SPMIP2: variants seen among roughly 807,000 people sequenced by gnomAD.
SPMIP2 encodes the protein protein SPMIP2.
chr4:158,946,088 C>T, the SPMIP2 span, among the ~76,000 whole-genome samples: 6 of 152,158 alleles, frequency 3.9e-5, no homozygotes, highest in Non-Finnish European at 5.9e-5. Context: ...CTCTTTCTCA[C>T]ACACTTTAGA....
At chr4:159,019,897 G>A in the SPMIP2 span, among the ~76,000 whole-genome samples, 28,326 of 152,068 alleles carry the variant, frequency 0.19, 3,202 homozygotes, top group Non-Finnish European at 0.26. Context: ...AATTAGAGTT[G>A]ATTTGTAAAT....
At chr4:159,046,376 T>G in the SPMIP2 span, among the ~76,000 whole-genome samples, 1 of 152,082 alleles carries the variant, frequency 6.6e-6, no homozygotes, top group African/African-American at 2.4e-5. Context: ...AGAAACAAGT[T>G]CACAAAACCC....
At chr4:158,910,861 T>C in the SPMIP2 span, among the ~76,000 whole-genome samples, 1 of 152,112 alleles carries the variant, frequency 6.6e-6, no homozygotes, top group Non-Finnish European at 1.5e-5. Flanking sequence ...TAAACACCCC[T>C]CCCTGGCTCT....
chr4:159,029,161 T>C, the SPMIP2 span, among the ~76,000 whole-genome samples: 1 of 152,218 alleles, frequency 6.6e-6, no homozygotes, highest in Non-Finnish European at 1.5e-5. Flanking sequence ...AGCAAATTGG[T>C]AGTAAAACTT....
At chr4:159,031,306 A>G in the SPMIP2 span, among the ~76,000 whole-genome samples, 2 of 152,240 alleles carry the variant, frequency 1.3e-5, no homozygotes, top group Non-Finnish European at 1.5e-5. Flanking sequence ...GAACTTGGCT[A>G]TAATCAAGCC....
chr4:159,012,351 G>A, the SPMIP2 span, among the ~76,000 whole-genome samples: 181 of 152,268 alleles, frequency 1.2e-3, 1 homozygote, highest in African/African-American at 3.6e-3. Context: ...ACATGATTAC[G>A]TGTAATGTGG....
At chr4:159,022,785 A>G in the SPMIP2 span, among the ~76,000 whole-genome samples, 1 of 152,004 alleles carries the variant, frequency 6.6e-6, no homozygotes, top group African/African-American at 2.4e-5. Flanking sequence ...TAATCCCAGC[A>G]CTTTGGGAGG....
chr4:158,979,088 A>G, the SPMIP2 span, among the ~76,000 whole-genome samples: 2 of 152,122 alleles, frequency 1.3e-5, no homozygotes, highest in Non-Finnish European at 2.9e-5. Context: ...GAATCTAGAG[A>G]GGCAGTCTGG....
At chr4:158,956,750 A>AT in the SPMIP2 span, among the ~76,000 whole-genome samples, 295 of 152,266 alleles carry the variant, frequency 1.9e-3, no homozygotes, top group African/African-American at 6.6e-3. Context: ...ATTATAACAA[A>AT]TATGGTCTCT....
the SPMIP2 span, among the ~76,000 whole-genome samples, chr4:159,017,980 C>T: frequency 2.0e-5 from 3 of 152,318 alleles, no homozygotes; most frequent in East Asian, 5.8e-4. Context: ...GCTCCAGACA[C>T]AGTCAGCGGG....
chr4:158,960,243 A>G, the SPMIP2 span: 2 of 1,175,344 alleles, frequency 1.7e-6, no homozygotes, highest in Non-Finnish European at 2.5e-6. Flanking sequence ...CAATTTAGGA[A>G]AGAAACACAG....
chr4:158,904,451 T>C, the SPMIP2 span: 3 of 1,603,180 alleles, frequency 1.9e-6, no homozygotes, highest in Non-Finnish European at 2.6e-6. Flanking sequence ...ATTCTTTTCT[T>C]TTCTCAATAT....
chr4:158,947,212 AGT>A, the SPMIP2 span, among the ~76,000 whole-genome samples: 41 of 152,322 alleles, frequency 2.7e-4, no homozygotes, highest in African/African-American at 9.6e-4. Context: ...AGGCACTGAC[AGT>A]CTTAAAAACA....
At chr4:158,900,236 T>C in the SPMIP2 span, among the ~76,000 whole-genome samples, 1 of 152,224 alleles carries the variant, frequency 6.6e-6, no homozygotes, top group Non-Finnish European at 1.5e-5. Flanking sequence ...TCTTTTGCAT[T>C]TGCCGAGGAG....
the SPMIP2 span, among the ~76,000 whole-genome samples, chr4:158,946,639 T>G: frequency 2.0e-5 from 3 of 152,170 alleles, no homozygotes; most frequent in Non-Finnish European, 4.4e-5. Context: ...CAATTAAACC[T>G]CTTTCTTTAT....
chr4:159,042,170 T>C, the SPMIP2 span, among the ~76,000 whole-genome samples: 2 of 152,192 alleles, frequency 1.3e-5, no homozygotes, highest in Non-Finnish European at 2.9e-5. Context: ...AATATTTTCC[T>C]AGTTTAGTAT....
chr4:158,927,907 C>T, the SPMIP2 span, among the ~76,000 whole-genome samples: 2 of 152,202 alleles, frequency 1.3e-5, no homozygotes, highest in East Asian at 3.8e-4. Flanking sequence ...GCGCTGCACT[C>T]GATTTCTCGG....
chr4:158,916,952 CTTTT>C, the SPMIP2 span, among the ~76,000 whole-genome samples: 1 of 149,218 alleles, frequency 6.7e-6, no homozygotes, highest in Admixed American at 6.7e-5. Context: ...TGTCTGCTTT[CTTTT>C]TAAAAATGGT....
the SPMIP2 span, among the ~76,000 whole-genome samples, chr4:159,053,497 T>C: frequency 1.3e-5 from 2 of 152,298 alleles, no homozygotes; most frequent in African/African-American, 4.8e-5. Context: ...ACACCTCACA[T>C]TCTTAGTTTC....
Sources: gnomAD v4.1 joint callset for allele counts (sites outside exome capture counted in the v4.1 genomes callset) on GRCh38, gnomAD v4.1.1 for gene constraint, MANE v1.5 for transcripts, NCBI Gene and HGNC (gene_info 2026-07-23, HGNC 2026-07-21) for gene names.